The following XKR6 variants were observed in gnomAD, a reference collection of about 807,000 sequenced individuals.
XKR6 encodes the protein XK related 6.
In XKR6, 22 loss-of-function variants were observed where a neutral mutation model predicts 56.7. That is an observed-to-expected ratio of 0.39 (90% CI 0.28 to 0.55). The LOEUF is 0.55. Among genes scored for constraint, XKR6 ranks in the 20% least tolerant of loss-of-function variants. XKR6 has a pLI of 0.66. For missense variants in XKR6, 852 were observed against 889.0 expected (o/e 0.96, Z 0.53); for synonymous variants, 524 against 387.8 (o/e 1.35, Z -4.13).
Position 11,200,598 on chromosome 8 carries a change from G to A in XKR6, c.742C>T (p.Leu248=), listed in dbSNP as rs755871497. ...TACCTCCACACCTGCCCCATCTGCA[G>A]CAGGTGGATGACCGACTGCCAGATC... ...VWIWQSVIHL[L]QMGQVWRYIR... Residue 248 remains leucine, a synonymous_variant, in exon 1 of 3, where the codon CTG becomes TTG. Coordinates refer to ENST00000416569, the MANE Select transcript of XKR6 (RefSeq NM_173683.4). This position sits in a 1 kb window ranked among gnomAD's most constrained non-coding sequence, Gnocchi z 6.4. 2 of 1,530,184 alleles carry A rather than the reference G, an allele frequency of 1.3e-6. No homozygotes were observed. The highest frequency in any genetic ancestry group is 1.5e-5 in the African/African-American group (1 of 68,784). The allele number at this position is 1,530,184 out of a possible 1,614,324, so 94.8% of individuals were successfully genotyped here.
chr8:10,954,866 C>CCTT lies in XKR6; in HGVS notation c.765-30037_765-30036insAAG, dbSNP rs1554515116. On this transcript the variant is annotated intron_variant, in intron 1 of 2. Transcript: ENST00000416569. ...TAAGGTAAGGGTCTAACTTCATTCT[C>CCTT]TTTTTTTTTTTTTTTTTTTTAGACA... 8.2e-4 allele frequency among the ~76,000 whole-genome samples: 76 copies of CCTT among 92,798 alleles called. 5 individuals carry two copies. Among genetic ancestry groups the CCTT allele is most frequent in the East Asian group, 1.3e-3 (5 of 3,730 alleles). 60.9% of individuals were successfully genotyped at this position (92,798 alleles called of 152,430 possible).
intron 1 of XKR6, among the ~76,000 whole-genome samples, chr8:10,995,669 C>G (rs911538365): frequency 2.2e-5 from 3 of 136,334 alleles, no homozygotes. Flanking sequence ...GTCTGGGTGA[C>G]AGAGTGAGAC....
intron 1 of XKR6, among the ~76,000 whole-genome samples, chr8:11,122,039 T>C (rs1025787723): frequency 1.3e-5 from 2 of 152,124 alleles, no homozygotes; most frequent in African/African-American, 4.8e-5. Flanking sequence ...ATATTCAATA[T>C]TCAATAGCAC....
intron 1 of XKR6, among the ~76,000 whole-genome samples, chr8:11,010,529 G>C (rs1334168627): frequency 1.3e-5 from 2 of 152,152 alleles, no homozygotes; most frequent in East Asian, 3.9e-4. Flanking sequence ...CAATGCCCTA[G>C]CACAATGCCT....
At chr8:10,907,020 C>A (rs887094652) in intron 2 of XKR6, among the ~76,000 whole-genome samples, 3 of 151,752 alleles carry the variant, frequency 2.0e-5, no homozygotes, top group Admixed American at 6.6e-5. Flanking sequence ...TGCACTCCAG[C>A]CTGGCAACAG....
rs190668059 is a variant in XKR6 at position 10,923,811 on chromosome 8, G to A, written c.961+823C>T. Among the ~76,000 whole-genome samples, 154 of 152,294 alleles carry A rather than the reference G, an allele frequency of 1.0e-3. 1 individual carries two copies. The highest frequency in any genetic ancestry group is 1.5e-3 in the Non-Finnish European group (101 of 68,008). ...GGCCAGGGAGAGCTGGGGTATGGAC[G>A]GCAGACCCCTCCTCATGGCTGCCTG... is the stretch of plus-strand genomic sequence containing the variant. On this transcript the variant is annotated intron_variant, in intron 2 of 2. Coordinates refer to ENST00000416569, the MANE Select transcript of XKR6 (RefSeq NM_173683.4).
rs564099652 is a variant in XKR6, at chr8:11,024,300, G to C, written c.765-99470C>G. On this transcript the variant is annotated intron_variant, in intron 1 of 2. Coordinates refer to ENST00000416569, the MANE Select transcript of XKR6 (RefSeq NM_173683.4). ...TTCCTTTCTCATTTCATGACTTTGG[G>C]TTATTGACTCCTGTCCCTCCCCAAC... 1.2e-4 allele frequency among the ~76,000 whole-genome samples: 18 copies of C among 149,702 alleles called. No homozygotes were observed. In the Admixed American group the frequency reaches 1.2e-3, roughly 10 times the overall value.
intron 2 of XKR6, among the ~76,000 whole-genome samples, chr8:10,908,143 G>T (rs891838754): frequency 6.6e-6 from 1 of 152,234 alleles, no homozygotes; most frequent in African/African-American, 2.4e-5. Flanking sequence ...GAAGGGATGT[G>T]TGGCCCTGCC....
At chr8:11,159,553 C>T (rs999343529) in intron 1 of XKR6, among the ~76,000 whole-genome samples, 1 of 152,244 alleles carries the variant, frequency 6.6e-6, no homozygotes, top group African/African-American at 2.4e-5. Context: ...TTCCCTACAT[C>T]AGCAGCATCA....
chr8:11,047,035 G>A (rs1799427358), intron 1 of XKR6, among the ~76,000 whole-genome samples: 1 of 152,050 alleles, frequency 6.6e-6, no homozygotes, highest in South Asian at 2.1e-4. Flanking sequence ...AGGGCACAAA[G>A]TTTCAATTCG....
chr8:10,945,167 C>G (rs954887997), intron 1 of XKR6, among the ~76,000 whole-genome samples: 1 of 152,170 alleles, frequency 6.6e-6, no homozygotes, highest in East Asian at 1.9e-4. Context: ...TTCTCCAAGA[C>G]GTTGCAAAAA....
At position 10,950,481 on chromosome 8, in the gene XKR6, A is replaced by T. The variant is rs143877430; in HGVS notation, c.765-25651T>A. Among the ~76,000 whole-genome samples, 617 of 152,292 alleles carry T rather than the reference A, an allele frequency of 4.1e-3. 2 individuals are homozygous for T. Among genetic ancestry groups the T allele is most frequent in the Non-Finnish European group, 5.4e-3 (368 of 68,024 alleles). On this transcript the variant is annotated intron_variant, in intron 1 of 2. Transcript: ENST00000416569. Reference sequence around the variant, plus strand: ...ACTGACCAGCCCCGAGATGGCAAGAACCACATCAGCATCTTGAGCCTCAGT... The same window carrying T: ...ACTGACCAGCCCCGAGATGGCAAGATCCACATCAGCATCTTGAGCCTCAGT...
chr8:10,902,305 A>G lies in XKR6; in HGVS notation c.962-3389T>C, dbSNP rs556623345. On this transcript the variant is annotated intron_variant, in intron 2 of 2. Transcript: ENST00000416569. Reference sequence around the variant, plus strand: ...TAAGTCTCTGCTTCATCTGTTCCTGACTTGGTCAACTTATGAATGGCCAAA... The same window carrying G: ...TAAGTCTCTGCTTCATCTGTTCCTGGCTTGGTCAACTTATGAATGGCCAAA... 5.3e-5 allele frequency among the ~76,000 whole-genome samples: 8 copies of G among 152,224 alleles called. No individual in the cohort carries two copies. The South Asian group carries it at 1.7e-3, about 32-fold the overall frequency.
At chr8:11,057,393 C>T (rs1799712234) in intron 1 of XKR6, among the ~76,000 whole-genome samples, 2 of 152,200 alleles carry the variant, frequency 1.3e-5, no homozygotes, top group South Asian at 4.1e-4. Context: ...GGGCCTGACA[C>T]AAAGGAGAGG....
At chr8:11,148,998 G>A (rs1801133416) in intron 1 of XKR6, among the ~76,000 whole-genome samples, 1 of 152,198 alleles carries the variant, frequency 6.6e-6, no homozygotes, top group Non-Finnish European at 1.5e-5. Context: ...ATCAGTGGTT[G>A]CCTGGAAATG....
intron 1 of XKR6, among the ~76,000 whole-genome samples, chr8:11,057,766 A>C (rs1197033773): frequency 6.6e-6 from 1 of 151,702 alleles, no homozygotes; most frequent in African/African-American, 2.4e-5. Context: ...GCTCTTCCTG[A>C]CTCCTTCAGT....
chr8:10,929,676 A>T (rs898214634), intron 1 of XKR6, among the ~76,000 whole-genome samples: 1 of 152,206 alleles, frequency 6.6e-6, no homozygotes, highest in African/African-American at 2.4e-5. Flanking sequence ...AAATGCCTAG[A>T]CCAGAGTAGA....
At chr8:10,949,341 T>G (rs1431410747) in intron 1 of XKR6, among the ~76,000 whole-genome samples, 1 of 152,254 alleles carries the variant, frequency 6.6e-6, no homozygotes, top group Non-Finnish European at 1.5e-5. Flanking sequence ...TGACCCAGCA[T>G]GGGCCCCCTT....
intron 1 of XKR6, among the ~76,000 whole-genome samples, chr8:10,957,568 G>A (rs1282012289): frequency 1.3e-5 from 2 of 152,178 alleles, no homozygotes; most frequent in Non-Finnish European, 2.9e-5. Context: ...GCAGACCCTG[G>A]GATGCTGATG....
Sources: gnomAD v4.1 joint callset for allele counts (sites outside exome capture counted in the v4.1 genomes callset) on GRCh38, gnomAD v4.1.1 for gene constraint, Gnocchi (gnomAD v3.1) non-coding constraint, MANE v1.5 for transcripts, NCBI Gene and HGNC (gene_info 2026-07-23, HGNC 2026-07-21) for gene names.